SYNE4: variants seen among roughly 807,000 people sequenced by gnomAD.
The protein encoded by SYNE4 is nesprin-4.
A neutral mutation model predicts 46.9 loss-of-function variants in SYNE4; 41 were observed. That is an observed-to-expected ratio of 0.87 (90% confidence interval 0.68 to 1.13). The LOEUF (loss-of-function observed/expected upper bound fraction) is 1.13. SYNE4 is among the 50% of genes most tolerant of loss of function. The pLI is 0.00. For synonymous variants in SYNE4, 221 were observed against 219.5 expected (o/e 1.01, Z -0.06); for missense variants, 492 against 514.8 (o/e 0.96, Z 0.43).
chr19:36,007,563 G>C (rs1364890517), intron 2 of SYNE4: 1 of 985,206 alleles, frequency 1.0e-6, no homozygotes, highest in Non-Finnish European at 1.2e-6. Flanking sequence ...GAAGAATGGG[G>C]CTACACCAGG....
intron 6 of SYNE4, among the ~76,000 whole-genome samples, chr19:36,004,215 G>T (rs886864563): frequency 1.3e-5 from 2 of 152,154 alleles, no homozygotes; most frequent in Non-Finnish European, 2.9e-5. Flanking sequence ...GAGGGGGCAG[G>T]TCTCACCATG....
At chr19:36,007,343 T>C (rs1968394833) in intron 2 of SYNE4, 75 bp from the exon 3 acceptor site, 1 of 1,465,576 alleles carries the variant, frequency 6.8e-7, no homozygotes, top group Admixed American at 2.5e-5. Flanking sequence ...CCCACCCCTC[T>C]TCTGTAAGCT....
chr19:36,008,258 G>T lies in SYNE4; in HGVS notation c.238C>A (p.Pro80Thr). ...CCAGCTGGGTCCTCGTAGGAAGAGG[G>T]TGTTGACCATCTCGGGGGGTGAGCG... Reference protein sequence around the residue: ...PAAHPPRWSTPSSYEDPAGGK... With the variant: ...PAAHPPRWSTTSSYEDPAGGK... Residue 80 changes from proline (P) to threonine (T), a missense_variant, in exon 2 of 8, where the codon CCC becomes ACC. By Grantham distance (38) the Pro-to-Thr change is conservative. Transcript: ENST00000324444. The T allele has an allele frequency of 6.2e-7, 1 of 1,610,626 alleles. No homozygotes were observed.
chr19:36,008,029 A>C (rs1400643823), intron 2 of SYNE4, among the ~76,000 whole-genome samples, 188 bp downstream of exon 2: 1 of 152,010 alleles, frequency 6.6e-6, no homozygotes, highest in Non-Finnish European at 1.5e-5. Context: ...TCTCAAAAAA[A>C]AAAAGAAAGA....
chr19:36,008,044 A>C (rs1055007228), intron 2 of SYNE4, among the ~76,000 whole-genome samples, 173 bp downstream of exon 2: 10 of 151,944 alleles, frequency 6.6e-5, no homozygotes, highest in Non-Finnish European at 5.9e-5. Flanking sequence ...GAAAGAAAGA[A>C]ATACGTCTCC....
rs1246095351 is a variant in SYNE4, at chr19:36,005,544, G to A, written c.868-107C>T. On this transcript the variant is annotated intron_variant, in intron 5 of 7. Transcript: ENST00000324444. Reference sequence around the variant, plus strand: ...AGAGAGATCTCACAGGACAGACAAAGGCAGAGCCAAAGAAACCAAGAGAGG... The same window carrying A: ...AGAGAGATCTCACAGGACAGACAAAAGCAGAGCCAAAGAAACCAAGAGAGG... 9.2e-6 allele frequency: 9 copies of A among 978,212 alleles called. No individual in the cohort carries two copies. The East Asian group carries it at 1.8e-4, about 20-fold the overall frequency. The allele number at this position is 978,212 out of a possible 1,614,324, so 60.6% of individuals were successfully genotyped here.
rs1315030485 is a variant in SYNE4, at chr19:36,006,903, C to T, written c.465G>A (p.Glu155=). 25 of 1,555,718 alleles carry T rather than the reference C, an allele frequency of 1.6e-5. No homozygotes were observed. The highest frequency in any genetic ancestry group is 2.2e-5 in the Non-Finnish European group (25 of 1,150,062). Residue 155 remains glutamate (E), a synonymous_variant, in exon 4 of 8, where the codon GAG becomes GAA. Transcript: ENST00000324444. ...GCCCCTCACCAAACGCTAGCAGCGC[C>T]TCCACACGCTCAGCTGCCCCTCGTA... The part of the protein sequence containing the change: ...VDLRGAAERV[E]ALLAFGEGLA...
At chr19:36,005,148 G>A (rs575654799) in intron 6 of SYNE4, among the ~76,000 whole-genome samples, 185 bp downstream of exon 6, 12 of 151,580 alleles carry the variant, frequency 7.9e-5, no homozygotes, top group African/African-American at 1.9e-4. Flanking sequence ...GATTACAGGC[G>A]TGAGCCACTG....
chr19:36,005,208 TG>T, intron 6 of SYNE4, 124 bp downstream of exon 6: 1 of 1,026,870 alleles, frequency 9.7e-7, no homozygotes, highest in Non-Finnish European at 1.4e-6. Flanking sequence ...CAACAGTGCC[TG>T]GACCTTTCCA....
In SYNE4 at chr19:36,008,587, G is replaced by T. The variant is rs565009900; in HGVS notation, c.95C>A (p.Thr32Asn). ...APREADIVGCTVCPASGEEST... is the reference protein window; with the variant it reads ...APREADIVGCNVCPASGEEST... The stretch of plus-strand genomic sequence containing the variant: ...CTCCTCTCCGGACGCGGGGCAGACG[G>T]TGCATCCAACAATGTCCGCCTCTCT... The change falls in exon 1 of 8, where the codon ACC (threonine) becomes AAC (asparagine). Residue 32 changes from threonine (T) to asparagine (N), a missense_variant. Coordinates refer to ENST00000324444, the MANE Select transcript of SYNE4 (RefSeq NM_001039876.3). 3.0e-5 allele frequency: 49 copies of T among 1,613,876 alleles called. No homozygotes were observed. The highest frequency in any genetic ancestry group is 2.1e-5 in the Non-Finnish European group (25 of 1,179,948).
chr19:36,005,187 G>C lies in SYNE4; in HGVS notation c.972+146C>G, dbSNP rs573504769. The stretch of plus-strand genomic sequence containing the variant: ...CTGGCCTGGCCCTGGTATTACTTCA[G>C]GCTCTGAATTCAACAGTGCCTGGAC... On this transcript the variant is annotated intron_variant, in intron 6 of 7. Transcript: ENST00000324444. The C allele has an allele frequency of 8.5e-6, 7 of 820,500 alleles. No homozygotes were observed. The African/African-American group carries it at 1.2e-4, about 14-fold the overall frequency. 50.8% of individuals were successfully genotyped at this position (820,500 alleles called of 1,614,324 possible). A position where few individuals can be genotyped will look rare whatever the true frequency, so the allele number is the denominator to read the frequency against.
At chr19:36,005,592 T>C (rs757226170) in intron 5 of SYNE4, 155 bp from the exon 6 acceptor site, 5 of 646,360 alleles carry the variant, frequency 7.7e-6, no homozygotes, top group Non-Finnish European at 1.3e-5. Context: ...ATTCATTCAT[T>C]CAATAAATGT....
chr19:36,004,782 C>T (rs941042079), intron 6 of SYNE4, among the ~76,000 whole-genome samples: 12 of 151,830 alleles, frequency 7.9e-5, no homozygotes, highest in African/African-American at 2.9e-4. Flanking sequence ...CACTGGAGCA[C>T]CCATTTTGCT....
chr19:36,008,557 G>T lies in SYNE4; in HGVS notation c.125C>A (p.Thr42Lys). The T allele has an allele frequency of 6.2e-7, 1 of 1,613,590 alleles. No homozygotes were observed. The highest frequency in any genetic ancestry group is 2.2e-5 in the East Asian group (1 of 44,882). The change falls in exon 1 of 8, where the codon ACG (threonine) becomes AAG (lysine). Residue 42 changes from threonine (T) to lysine (K), a missense_variant. Physicochemically the swap from Thr to Lys is moderately conservative, Grantham distance 78. Coordinates refer to ENST00000324444, the MANE Select transcript of SYNE4 (RefSeq NM_001039876.3). ...TVCPASGEES[T>K]SPEQAQTLGQ... Reference sequence around the variant, plus strand: ...CTTCCAAAGCCCCGGCCCCCACCTCGTGCTCTCCTCTCCGGACGCGGGGCA... The same window carrying T: ...CTTCCAAAGCCCCGGCCCCCACCTCTTGCTCTCCTCTCCGGACGCGGGGCA...
chr19:36,008,161 C>T (rs1968442797), intron 2 of SYNE4, 56 bp downstream of exon 2: 1 of 1,550,614 alleles, frequency 6.4e-7, no homozygotes, highest in South Asian at 1.2e-5. Flanking sequence ...GGCCAGACTC[C>T]AGGGGACAGA....
rs951558464 is a variant in SYNE4 at position 36,003,383 on chromosome 19, G to C, written c.1169C>G (p.Thr390Arg). ...GACATAGCTGAGCACCAGGTAGGGTGTCCTGGGTATTCGGGCATGAGAGCA... is the reference window on the plus strand; with the variant it reads ...GACATAGCTGAGCACCAGGTAGGGTCTCCTGGGTATTCGGGCATGAGAGCA... ...PCCSHARIPRTPYLVLSYVNG... is the reference protein window; with the variant it reads ...PCCSHARIPRRPYLVLSYVNG... Residue 390 changes from threonine (T) to arginine (R), a missense_variant, in exon 8 of 8, where the codon ACA becomes AGA. Thr to Arg is a moderately conservative substitution (Grantham distance 71). Transcript: ENST00000324444. 1 of 1,614,148 alleles carries C rather than the reference G, an allele frequency of 6.2e-7. No homozygotes were observed. The highest frequency in any genetic ancestry group is 1.7e-5 in the Admixed American group (1 of 60,014).
At position 36,005,330 on chromosome 19, in the gene SYNE4, C is replaced by T. The variant is rs1002753584; in HGVS notation, c.972+3G>A. 2.5e-6 allele frequency: 4 copies of T among 1,613,876 alleles called. No individual in the cohort carries two copies. Among genetic ancestry groups the T allele is most frequent in the East Asian group, 2.2e-5 (1 of 44,890 alleles). ...TGCTACACCTGGTTGAGAACTGGCT[C>T]ACCTGAGGCTTCCGGAGCAGGGAGT... On this transcript the variant is annotated splice_donor_region_variant and intron_variant, in intron 6 of 7. Transcript: ENST00000324444.
intron 2 of SYNE4, 156 bp from the exon 3 acceptor site, chr19:36,007,424 C>A (rs1968399387): frequency 1.4e-5 from 14 of 985,388 alleles, no homozygotes; most frequent in South Asian, 4.7e-5. Context: ...ACTGGGGGGG[C>A]CTTCCCAGTG....
rs779121007 is a variant in SYNE4 at position 36,006,382 on chromosome 19, G to C, written c.867+41C>G. 8.4e-6 allele frequency: 13 copies of C among 1,555,986 alleles called. No individual in the cohort carries two copies. The African/African-American group carries it at 1.6e-4, about 20-fold the overall frequency. On this transcript the variant is annotated intron_variant, in intron 5 of 7. Coordinates refer to ENST00000324444, the MANE Select transcript of SYNE4 (RefSeq NM_001039876.3). ...TAGAAGGTGCGCAGAGATGTCCCCA[G>C]GGTGCCTGGCAGAAGGTCCCTCAAG...
Sources: gnomAD v4.1 joint callset for allele counts (sites outside exome capture counted in the v4.1 genomes callset) on GRCh38, gnomAD v4.1.1 for gene constraint, MANE v1.5 for transcripts, NCBI Gene and HGNC (gene_info 2026-07-23, HGNC 2026-07-21) for gene names.